Variants in TPD52L1 observed in about 807,000 individuals in gnomAD.
TPD52L1 encodes TPD52 like 1, also known as tumor protein D53.
Under a neutral mutation model 28.7 loss-of-function variants are expected in TPD52L1, and 18 were observed. That is an observed-to-expected ratio of 0.63 (90% CI 0.43 to 0.93). TPD52L1 has a LOEUF of 0.93. Ranked by LOEUF, TPD52L1 falls within the 40% of genes least tolerant of loss-of-function variation. The probability of loss-of-function intolerance (pLI) is 0.00; values close to 1 mark genes in which losing one functional copy is unlikely to be tolerated. For missense variants in TPD52L1, 203 were observed against 254.8 expected, an observed-to-expected ratio of 0.80 and a Z score of 1.39; for synonymous variants, 75 against 88.8, an observed-to-expected ratio of 0.84 and a Z score of 0.88.
intron 1 of TPD52L1, among the ~76,000 whole-genome samples, chr6:125,177,077 C>CT (rs1387487649): frequency 2.6e-5 from 4 of 152,070 alleles, no homozygotes; most frequent in African/African-American, 4.8e-5. Flanking sequence ...AAAAGAATCT[C>CT]TGTCATCTTA....
chr6:125,154,082 C>T, intron 1 of TPD52L1, 112 bp downstream of exon 1: 16 of 1,446,184 alleles, frequency 1.1e-5, no homozygotes, highest in African/African-American at 2.9e-5. Context: ...CCGTGTTGCA[C>T]ATCCAGAACT....
chr6:125,159,252 G>A (rs550161229), intron 1 of TPD52L1, among the ~76,000 whole-genome samples: 2 of 152,170 alleles, frequency 1.3e-5, no homozygotes, highest in African/African-American at 4.8e-5. Flanking sequence ...CTGCTTTATC[G>A]ACTAAATTTA....
intron 6 of TPD52L1, among the ~76,000 whole-genome samples, chr6:125,258,306 G>T (rs137921505): frequency 1.3e-5 from 2 of 152,082 alleles, no homozygotes; most frequent in South Asian, 4.1e-4. Flanking sequence ...CAGTTTCACC[G>T]CTCTGCATGC....
chr6:125,166,598 C>T (rs1273771584), intron 1 of TPD52L1, among the ~76,000 whole-genome samples: 2 of 152,100 alleles, frequency 1.3e-5, no homozygotes, highest in African/African-American at 4.8e-5. Flanking sequence ...TTACAGCAGA[C>T]AGACTAGCAG....
intron 6 of TPD52L1, among the ~76,000 whole-genome samples, chr6:125,257,541 A>G (rs1171657901): frequency 6.6e-6 from 1 of 152,232 alleles, no homozygotes; most frequent in Non-Finnish European, 1.5e-5. Context: ...TGGTTTGGAC[A>G]TGGACCAGCA....
intron 1 of TPD52L1, among the ~76,000 whole-genome samples, chr6:125,167,580 C>A (rs902953906): frequency 3.9e-5 from 6 of 152,108 alleles, no homozygotes; most frequent in African/African-American, 1.4e-4. Context: ...ACATTCAGAA[C>A]GTGTTTGAAA....
chr6:125,164,404 CAT>C lies in TPD52L1; in HGVS notation c.19+10435_19+10436del, dbSNP rs148219147. 5.3e-3 allele frequency among the ~76,000 whole-genome samples: 809 copies of C among 152,256 alleles called. 6 individuals are homozygous for C. The highest frequency in any genetic ancestry group is 0.018 in the African/African-American group (764 of 41,554). On this transcript the variant is annotated intron_variant, in intron 1 of 6. Coordinates refer to ENST00000534000, the MANE Select transcript of TPD52L1 (RefSeq NM_003287.4). The stretch of plus-strand genomic sequence containing the variant: ...GAAGAATTCTATAAAAATCACATGA[CAT>C]GTGATTCTTAAACCAATACAGAATT...
In TPD52L1 at chr6:125,153,980, C is replaced by G; in HGVS notation, c.19+10C>G. On this transcript the variant is annotated intron_variant, in intron 1 of 6. Transcript: ENST00000534000. The stretch of plus-strand genomic sequence containing the variant: ...GAGGCGCAGGCACAAGGTGAGTGGT[C>G]GCCGATCGCCCCGAGAGTCAGGTCC... The G allele has an allele frequency of 6.2e-7, 1 of 1,606,232 alleles. No homozygotes were observed. The highest frequency in any genetic ancestry group is 8.5e-7 in the Non-Finnish European group (1 of 1,177,546).
At chr6:125,262,699 C>G in intron 6 of TPD52L1, 135 bp from the exon 7 acceptor site, 1 of 1,207,034 alleles carries the variant, frequency 8.3e-7, no homozygotes, top group Non-Finnish European at 1.1e-6. Context: ...AAACAAACTT[C>G]TGTGCATTCT....
At chr6:125,197,890 C>T (rs2114884939) in intron 1 of TPD52L1, among the ~76,000 whole-genome samples, 1 of 152,292 alleles carries the variant, frequency 6.6e-6, no homozygotes, top group Admixed American at 6.5e-5. Flanking sequence ...GGAGTTCACT[C>T]AGGAAAGGCT....
intron 5 of TPD52L1, among the ~76,000 whole-genome samples, chr6:125,255,896 G>C (rs1455141539): frequency 6.6e-6 from 1 of 152,124 alleles, no homozygotes; most frequent in East Asian, 1.9e-4. Flanking sequence ...TCTTTAGTAG[G>C]AGCTGGTGGT....
At chr6:125,163,802 A>G (rs1790687214) in intron 1 of TPD52L1, among the ~76,000 whole-genome samples, 1 of 151,258 alleles carries the variant, frequency 6.6e-6, no homozygotes, top group Admixed American at 6.6e-5. Flanking sequence ...CTGTAATCCC[A>G]GCTACTTGGG....
At chr6:125,249,397 G>A (rs1036675467) in intron 4 of TPD52L1, among the ~76,000 whole-genome samples, 2 of 151,700 alleles carry the variant, frequency 1.3e-5, no homozygotes, top group East Asian at 3.9e-4. Context: ...AAAAGCTTTG[G>A]GCTGGGCACA....
intron 4 of TPD52L1, among the ~76,000 whole-genome samples, chr6:125,250,148 C>T (rs1401504327): frequency 6.6e-6 from 1 of 152,188 alleles, no homozygotes; most frequent in Non-Finnish European, 1.5e-5. Flanking sequence ...TGATTCTCTT[C>T]ATACTGTGTT....
chr6:125,158,108 AT>A (rs1272275528), intron 1 of TPD52L1, among the ~76,000 whole-genome samples: 1 of 152,134 alleles, frequency 6.6e-6, no homozygotes. Context: ...TTGTGATTTC[AT>A]TTAGCACCTA....
intron 1 of TPD52L1, among the ~76,000 whole-genome samples, chr6:125,162,660 C>A (rs973376255): frequency 9.9e-5 from 15 of 152,156 alleles, no homozygotes; most frequent in South Asian, 4.1e-4. Flanking sequence ...TTAATATGAC[C>A]ATGAACAAGT....
At chr6:125,208,269 A>G (rs890999400) in intron 1 of TPD52L1, among the ~76,000 whole-genome samples, 3 of 152,222 alleles carry the variant, frequency 2.0e-5, no homozygotes, top group Admixed American at 2.0e-4. Context: ...CCTGATAGCA[A>G]TTCTTTATCC....
At chr6:125,197,111 T>A (rs879483461) in intron 1 of TPD52L1, among the ~76,000 whole-genome samples, 1 of 152,218 alleles carries the variant, frequency 6.6e-6, no homozygotes, top group Non-Finnish European at 1.5e-5. Flanking sequence ...AACAGACTCA[T>A]AATCATGCTT....
intron 3 of TPD52L1, among the ~76,000 whole-genome samples, chr6:125,245,294 C>G (rs1157955875): frequency 1.3e-5 from 2 of 152,158 alleles, no homozygotes; most frequent in African/African-American, 4.8e-5. Context: ...TTCCTGGGAT[C>G]AGGGTTATTC....
Sources: gnomAD v4.1 joint callset for allele counts (sites outside exome capture counted in the v4.1 genomes callset) on GRCh38, gnomAD v4.1.1 for gene constraint, MANE v1.5 for transcripts, NCBI Gene and HGNC (gene_info 2026-07-23, HGNC 2026-07-21) for gene names.